MLIP: variants seen among roughly 807,000 people sequenced by gnomAD.
MLIP encodes muscular LMNA-interacting protein.
MLIP carries 79 observed loss-of-function variants against 84.8 expected under a neutral mutation model. The observed-to-expected ratio is 0.93, with a 90% CI of 0.78 to 1.12. The LOEUF is 1.12. Among genes scored for constraint, MLIP ranks in the 50% most tolerant of loss-of-function variants. MLIP has a pLI of 0.00. For missense variants in MLIP, 1,257 were observed against 1,160.6 expected (o/e 1.08, Z -1.21); for synonymous variants, 504 against 463.0 (o/e 1.09, Z -1.14).
At chr6:54,114,473 G>T (rs1232020423) in intron 1 of MLIP, among the ~76,000 whole-genome samples, 1 of 152,014 alleles carries the variant, frequency 6.6e-6, no homozygotes, top group East Asian at 1.9e-4. Context: ...CTTGATTTTT[G>T]TGTATCTCTC....
At chr6:54,127,754 G>A (rs868679721) in intron 3 of MLIP, among the ~76,000 whole-genome samples, 45 of 152,050 alleles carry the variant, frequency 3.0e-4, no homozygotes, top group South Asian at 4.1e-4. Flanking sequence ...TCCTGAAGTG[G>A]CATGTTTAAG....
At chr6:54,200,753 G>A (rs577547613) in intron 10 of MLIP, among the ~76,000 whole-genome samples, 18 of 152,196 alleles carry the variant, frequency 1.2e-4, no homozygotes, top group Middle Eastern at 6.8e-3. Context: ...TCTTAAGTGG[G>A]AGATATTTCT....
At chr6:54,235,534 A>T (rs1781305389) in intron 12 of MLIP, among the ~76,000 whole-genome samples, 1 of 152,144 alleles carries the variant, frequency 6.6e-6, no homozygotes, top group Non-Finnish European at 1.5e-5. Context: ...CTTGGTGTTT[A>T]TCTAGGGTGT....
intron 13 of MLIP, among the ~76,000 whole-genome samples, chr6:54,263,186 G>T (rs1376948281): frequency 6.6e-6 from 1 of 151,954 alleles, no homozygotes; most frequent in African/African-American, 2.4e-5. Flanking sequence ...AAAACACTAA[G>T]ATCAGGGTTA....
intron 1 of MLIP, among the ~76,000 whole-genome samples, chr6:54,078,695 T>TG (rs1262328851): frequency 6.8e-6 from 1 of 146,856 alleles, no homozygotes; most frequent in African/African-American, 2.5e-5. Context: ...TTCTTTCTTT[T>TG]TTTTTTTTTT....
At chr6:54,257,214 TTA>T in intron 12 of MLIP, 92 bp from the exon 13 acceptor site, 1 of 845,662 alleles carries the variant, frequency 1.2e-6, no homozygotes, top group Non-Finnish European at 1.9e-6. Context: ...AATAAAATAT[TTA>T]TGTCATTGTC....
chr6:54,248,457 A>G (rs926157568), intron 12 of MLIP, among the ~76,000 whole-genome samples: 4 of 152,304 alleles, frequency 2.6e-5, no homozygotes, highest in African/African-American at 9.6e-5. Flanking sequence ...TGTGCACTGA[A>G]AAAAGTGAAT....
At chr6:54,103,999 C>T (rs974879157) in intron 1 of MLIP, among the ~76,000 whole-genome samples, 2 of 152,090 alleles carry the variant, frequency 1.3e-5, no homozygotes, top group African/African-American at 2.4e-5. Flanking sequence ...AAGTTTAGCA[C>T]TTCTTAAAAT....
chr6:54,116,788 C>A (rs1769960206), intron 1 of MLIP, among the ~76,000 whole-genome samples: 1 of 152,108 alleles, frequency 6.6e-6, no homozygotes. Flanking sequence ...AACAACACAA[C>A]AAGAAAAGAA....
At chr6:54,143,731 A>C (rs1464706674) in intron 4 of MLIP, among the ~76,000 whole-genome samples, 2 of 152,192 alleles carry the variant, frequency 1.3e-5, no homozygotes, top group Non-Finnish European at 2.9e-5. Context: ...TAGACGAAGA[A>C]CTAAAAATTT....
intron 10 of MLIP, among the ~76,000 whole-genome samples, chr6:54,200,483 AAG>A (rs368318529): frequency 7.8e-4 from 118 of 152,110 alleles, no homozygotes; most frequent in African/African-American, 2.7e-3. Context: ...AAGAAGAAAG[AAG>A]AAATGAAGCA....
At chr6:54,059,247 A>G (rs373614179) in intron 1 of MLIP, among the ~76,000 whole-genome samples, 1 of 152,192 alleles carries the variant, frequency 6.6e-6, no homozygotes, top group Non-Finnish European at 1.5e-5. Flanking sequence ...GACTACACTT[A>G]GGGCTCAGAT....
At chr6:54,058,308 T>C (rs541039554) in intron 1 of MLIP, among the ~76,000 whole-genome samples, 2 of 152,182 alleles carry the variant, frequency 1.3e-5, no homozygotes, top group African/African-American at 2.4e-5. Flanking sequence ...GGGGTTACAG[T>C]GGTAAAAATA....
intron 1 of MLIP, among the ~76,000 whole-genome samples, chr6:54,039,740 G>A (rs543953547): frequency 6.6e-6 from 1 of 152,020 alleles, no homozygotes; most frequent in South Asian, 2.1e-4. Flanking sequence ...AAGTTGAAAA[G>A]AATAGAGGTA....
intron 12 of MLIP, among the ~76,000 whole-genome samples, chr6:54,232,625 T>A (rs1007459680): frequency 1.3e-5 from 2 of 152,236 alleles, no homozygotes; most frequent in Non-Finnish European, 2.9e-5. Flanking sequence ...ACCAATTTGA[T>A]GTCTATGTTT....
chr6:54,018,999 G>C (rs762459801), exon 1 of MLIP: 2 of 1,574,142 alleles, frequency 1.3e-6, no homozygotes, highest in East Asian at 4.5e-5. Context: ...GTGTCTCTCA[G>C]TCTTTCTCTC....
At chr6:54,255,763 C>T (rs1294499620) in intron 12 of MLIP, among the ~76,000 whole-genome samples, 26 of 152,074 alleles carry the variant, frequency 1.7e-4, no homozygotes, top group Admixed American at 1.7e-3. Context: ...CAGTTGAATG[C>T]TTTATTGGGA....
At chr6:54,025,609 C>G (rs1561873438) in intron 1 of MLIP, among the ~76,000 whole-genome samples, 1 of 152,158 alleles carries the variant, frequency 6.6e-6, no homozygotes, top group Non-Finnish European at 1.5e-5. Context: ...GTCTCTGCTA[C>G]TCATAAGAGT....
intron 1 of MLIP, among the ~76,000 whole-genome samples, chr6:54,095,994 C>T (rs539758204): frequency 3.3e-5 from 5 of 151,836 alleles, no homozygotes; most frequent in Admixed American, 2.6e-4. Flanking sequence ...AGCAGGTAGG[C>T]GATGTATGAA....
Sources: gnomAD v4.1 joint callset for allele counts (sites outside exome capture counted in the v4.1 genomes callset) on GRCh38, gnomAD v4.1.1 for gene constraint, MANE v1.5 for transcripts, NCBI Gene and HGNC (gene_info 2026-07-23, HGNC 2026-07-21) for gene names.